The following BRINP1 variants were observed in gnomAD, a reference collection of about 807,000 sequenced individuals.
The protein encoded by BRINP1 is BMP/retinoic acid-inducible neural-specific protein 1.
BRINP1 carries 17 observed loss-of-function variants against 72.9 expected under a neutral mutation model. That is an observed-to-expected ratio of 0.23 (90% CI 0.16 to 0.35). BRINP1 has a LOEUF of 0.35. Among genes scored for constraint, BRINP1 ranks in the 10% least tolerant of loss-of-function variants. The probability of loss-of-function intolerance (pLI) is 1.00; values close to 1 mark genes in which losing one functional copy is unlikely to be tolerated. For missense variants in BRINP1, 850 were observed against 1,001.6 expected, an observed-to-expected ratio of 0.85 and a Z score of 2.04; for synonymous variants, 418 against 378.5, an observed-to-expected ratio of 1.10 and a Z score of -1.21.
At chr9:119,193,634 T>C (rs1829704382) in intron 7 of BRINP1, among the ~76,000 whole-genome samples, 1 of 152,204 alleles carries the variant, frequency 6.6e-6, no homozygotes, top group Admixed American at 6.5e-5. Flanking sequence ...GCTGTCCATA[T>C]GTATCTCATA....
chr9:119,178,619 G>T (rs1829516776), intron 7 of BRINP1, among the ~76,000 whole-genome samples: 1 of 152,146 alleles, frequency 6.6e-6, no homozygotes, highest in Non-Finnish European at 1.5e-5. Context: ...TACAACTATT[G>T]AGTTCTCACT....
chr9:119,239,973 G>T (rs906555840), intron 4 of BRINP1, among the ~76,000 whole-genome samples: 2 of 152,008 alleles, frequency 1.3e-5, no homozygotes, highest in Non-Finnish European at 1.5e-5. Context: ...TTAGTGGCTG[G>T]TCTTAAACAG....
At chr9:119,303,737 C>A (rs1830964741) in intron 2 of BRINP1, among the ~76,000 whole-genome samples, 1 of 152,112 alleles carries the variant, frequency 6.6e-6, no homozygotes, top group Non-Finnish European at 1.5e-5. Flanking sequence ...ACCAATCATC[C>A]CCACTGCAGT....
At chr9:119,221,062 C>T (rs1285997559) in intron 5 of BRINP1, among the ~76,000 whole-genome samples, 2 of 152,082 alleles carry the variant, frequency 1.3e-5, no homozygotes, top group African/African-American at 2.4e-5. Flanking sequence ...ATTAAATACA[C>T]GATTTCTTAC....
chr9:119,314,016 A>G (rs1296282854), intron 1 of BRINP1, among the ~76,000 whole-genome samples: 1 of 152,338 alleles, frequency 6.6e-6, no homozygotes, highest in South Asian at 2.1e-4. Context: ...TATCATGACT[A>G]TCTAGGTTGA....
intron 2 of BRINP1, among the ~76,000 whole-genome samples, chr9:119,256,046 C>T (rs1830445409): frequency 6.7e-6 from 1 of 150,136 alleles, no homozygotes. Context: ...CCTGGATATC[C>T]GTGTCTCTAC....
intron 1 of BRINP1, among the ~76,000 whole-genome samples, chr9:119,360,716 C>A (rs1831620610): frequency 6.6e-6 from 1 of 152,152 alleles, no homozygotes; most frequent in Non-Finnish European, 1.5e-5. Context: ...CCATTATCCC[C>A]AAGCTCCATT....
chr9:119,355,486 T>G (rs183524272), intron 1 of BRINP1, among the ~76,000 whole-genome samples: 2 of 152,180 alleles, frequency 1.3e-5, no homozygotes, highest in Admixed American at 1.3e-4. Flanking sequence ...CCCAGCACTT[T>G]GGGAGGCCAA....
chr9:119,348,420 T>A (rs1831470641), intron 1 of BRINP1, among the ~76,000 whole-genome samples: 1 of 152,210 alleles, frequency 6.6e-6, no homozygotes, highest in Non-Finnish European at 1.5e-5. Flanking sequence ...GCTATAAACA[T>A]CTGTGTGCAG....
chr9:119,274,734 A>G (rs1362179051), intron 2 of BRINP1, among the ~76,000 whole-genome samples: 1 of 152,200 alleles, frequency 6.6e-6, no homozygotes, highest in Non-Finnish European at 1.5e-5. Flanking sequence ...TAAAAATTAG[A>G]AAACTGAAGC....
At chr9:119,246,047 G>A (rs1830313335) in intron 3 of BRINP1, among the ~76,000 whole-genome samples, 1 of 152,150 alleles carries the variant, frequency 6.6e-6, no homozygotes, top group Non-Finnish European at 1.5e-5. Context: ...TTAAGTGTCA[G>A]ACAGTGTGCT....
At chr9:119,289,311 C>G (rs955987224) in intron 2 of BRINP1, among the ~76,000 whole-genome samples, 1 of 152,150 alleles carries the variant, frequency 6.6e-6, no homozygotes, top group African/African-American at 2.4e-5. Flanking sequence ...GAATACTAAG[C>G]TAGAGGATTG....
chr9:119,293,030 A>G (rs764395872), intron 2 of BRINP1, among the ~76,000 whole-genome samples: 1 of 152,196 alleles, frequency 6.6e-6, no homozygotes, highest in Non-Finnish European at 1.5e-5. Context: ...TGAGTACATA[A>G]CAGTGATCAA....
intron 2 of BRINP1, among the ~76,000 whole-genome samples, chr9:119,261,350 C>T (rs1427148314): frequency 3.3e-5 from 5 of 152,142 alleles, no homozygotes; most frequent in Non-Finnish European, 1.5e-5. Flanking sequence ...AATTAGTCAT[C>T]GCTGTGGCCA....
At chr9:119,303,731 A>G (rs997121918) in intron 2 of BRINP1, among the ~76,000 whole-genome samples, 3 of 151,894 alleles carry the variant, frequency 2.0e-5, no homozygotes, top group African/African-American at 4.8e-5. Context: ...ACACCAACCA[A>G]TCATCCCCAC....
At chr9:119,354,216 G>A (rs556903524) in intron 1 of BRINP1, among the ~76,000 whole-genome samples, 1 of 152,060 alleles carries the variant, frequency 6.6e-6, no homozygotes, top group African/African-American at 2.4e-5. Flanking sequence ...GTTTCCTAAA[G>A]TATGCTATAC....
chr9:119,181,612 G>A (rs376337469), intron 7 of BRINP1, among the ~76,000 whole-genome samples: 6 of 152,156 alleles, frequency 3.9e-5, no homozygotes, highest in African/African-American at 1.4e-4. Context: ...CTGAGGGCAA[G>A]GAATAACTAT....
At chr9:119,226,385 A>G (rs1830092643) in intron 5 of BRINP1, among the ~76,000 whole-genome samples, 1 of 152,032 alleles carries the variant, frequency 6.6e-6, no homozygotes, top group Admixed American at 6.6e-5. Context: ...CACATCAACC[A>G]TTTATCTCTC....
chr9:119,281,806 T>G (rs573462244), intron 2 of BRINP1, among the ~76,000 whole-genome samples: 51 of 152,352 alleles, frequency 3.3e-4, no homozygotes, highest in East Asian at 1.9e-4. Context: ...ATCATGGTTT[T>G]TTTCCAGATC....
Sources: allele counts gnomAD v4.1 joint callset (sites outside exome capture counted in the v4.1 genomes callset), GRCh38; gene constraint gnomAD v4.1.1; transcripts MANE v1.5; gene names NCBI Gene and HGNC (gene_info 2026-07-23, HGNC 2026-07-21).